The following UBE2W variants were observed in gnomAD, a reference collection of about 807,000 sequenced individuals.
UBE2W encodes ubiquitin-conjugating enzyme E2 W.
A neutral mutation model predicts 27.2 loss-of-function variants in UBE2W; 18 were observed. That is an observed-to-expected ratio of 0.66 (90% CI 0.46 to 0.98). UBE2W has a LOEUF of 0.98. Ranked by LOEUF, UBE2W falls within the 50% of genes least tolerant of loss-of-function variation. The pLI is 0.00. For missense variants in UBE2W, 90 were observed against 180.2 expected (o/e 0.50, Z 2.87); for synonymous variants, 53 against 57.2 (o/e 0.93, Z 0.33).
chr8:73,791,743 C>T lies in UBE2W; in HGVS notation c.*2359G>A, dbSNP rs1412912290. On this transcript the variant is annotated 3_prime_UTR_variant, in exon 6 of 6. Transcript: ENST00000602593. ...TGATTATGAATTTTAAATGTCTGTG[C>T]TCCTATATTTTAGGATATTTCATCT... 1.0e-6 allele frequency: 1 copy of T among 982,526 alleles called. No individual in the cohort carries two copies. Among genetic ancestry groups the T allele is most frequent in the Non-Finnish European group, 1.2e-6 (1 of 828,498 alleles). 60.9% of individuals were successfully genotyped at this position (982,526 alleles called of 1,614,324 possible).
intron 5 of UBE2W, among the ~76,000 whole-genome samples, chr8:73,794,844 C>T (rs1366698742): frequency 7.3e-6 from 1 of 136,606 alleles, no homozygotes; most frequent in Non-Finnish European, 1.5e-5. Context: ...CAGAGGGAGG[C>T]TCTGTCTCAT....
At position 73,856,089 on chromosome 8, in the gene UBE2W, T is replaced by TA. The variant is rs1296205415; in HGVS notation, c.15+22718dup. On this transcript the variant is annotated intron_variant, in intron 1 of 5. Transcript: ENST00000602593. ...ATATATCCATATCCTTAAACAACTATAATGGTTTAAAATGTTCCAAAAAAA... is the reference window on the plus strand; with the variant it reads ...ATATATCCATATCCTTAAACAACTATAAATGGTTTAAAATGTTCCAAAAAAA... Among the ~76,000 whole-genome samples, 14 of 152,298 alleles carry TA rather than the reference T, an allele frequency of 9.2e-5. No individual in the cohort carries two copies. The East Asian group carries it at 2.7e-3, about 29-fold the overall frequency.
intron 1 of UBE2W, among the ~76,000 whole-genome samples, chr8:73,866,120 A>T (rs1173178053): frequency 1.3e-5 from 2 of 151,752 alleles, no homozygotes; most frequent in East Asian, 3.9e-4. Context: ...AAAATACAAA[A>T]ATTAGCCGGG....
chr8:73,792,405 T>C lies in UBE2W; in HGVS notation c.*1697A>G. Reference sequence around the variant, plus strand: ...CATATTTTTGAAGTCTACCCACCCCTGAGTTCAGCAATTATACTTTGAGTG... The same window carrying C: ...CATATTTTTGAAGTCTACCCACCCCCGAGTTCAGCAATTATACTTTGAGTG... On this transcript the variant is annotated 3_prime_UTR_variant, in exon 6 of 6. Transcript: ENST00000602593. 1 of 985,666 alleles carries C rather than the reference T, an allele frequency of 1.0e-6. No individual in the cohort carries two copies. The highest frequency in any genetic ancestry group is 4.7e-5 in the South Asian group (1 of 21,284). 61.1% of individuals were successfully genotyped at this position (985,666 alleles called of 1,614,324 possible).
chr8:73,803,776 T>A (rs563949047), intron 5 of UBE2W, among the ~76,000 whole-genome samples: 2 of 150,938 alleles, frequency 1.3e-5, no homozygotes, highest in East Asian at 3.9e-4. Flanking sequence ...TTTCTTTTTT[T>A]TTTTTTTTGA....
chr8:73,805,783 GT>G, intron 4 of UBE2W, 57 bp from the exon 5 acceptor site: 1 of 1,018,896 alleles, frequency 9.8e-7, no homozygotes, highest in Non-Finnish European at 1.4e-6. Context: ...GAGGGTGACA[GT>G]TTTAATAAAA....
intron 3 of UBE2W, among the ~76,000 whole-genome samples, chr8:73,820,423 T>C (rs1004697449): frequency 4.6e-5 from 7 of 152,192 alleles, no homozygotes; most frequent in African/African-American, 1.4e-4. Flanking sequence ...CTCTATGCCA[T>C]GTGAGGGACT....
At chr8:73,784,233 T>G (rs886100614), downstream of UBE2W, among the ~76,000 whole-genome samples, 1 of 152,150 alleles carries the variant, frequency 6.6e-6, no homozygotes, top group African/African-American at 2.4e-5. Context: ...ATGTGTTGAT[T>G]TTTCCTGCCT....
At chr8:73,870,392 GAA>G (rs573042877) in intron 1 of UBE2W, 353 of 854,406 alleles carry the variant, frequency 4.1e-4, no homozygotes, top group South Asian at 7.2e-4. Flanking sequence ...CTAGAAATCA[GAA>G]AAAAAAAAAA....
Position 73,791,585 on chromosome 8 carries a change from C to T in UBE2W, c.*2517G>A. Reference sequence around the variant, plus strand: ...AAATATTCTTTTTATTATTACAAGCCATTAATTGCTCTCTGTAGAGCAATG... The same window carrying T: ...AAATATTCTTTTTATTATTACAAGCTATTAATTGCTCTCTGTAGAGCAATG... On this transcript the variant is annotated 3_prime_UTR_variant, in exon 6 of 6. Transcript: ENST00000602593. The T allele has an allele frequency of 4.1e-6, 4 of 985,110 alleles. No individual in the cohort carries two copies. The highest frequency in any genetic ancestry group is 4.8e-6 in the Non-Finnish European group (4 of 829,740). 61.0% of individuals were successfully genotyped at this position (985,110 alleles called of 1,614,324 possible).
chr8:73,875,770 C>A (rs74603327), intron 1 of UBE2W, among the ~76,000 whole-genome samples: 2,291 of 152,246 alleles, frequency 0.015, 46 homozygotes, highest in Non-Finnish European at 0.022. Flanking sequence ...ACACACTTGG[C>A]CGCGTGCAGT....
At chr8:73,823,007 G>A (rs1185766764) in intron 3 of UBE2W, among the ~76,000 whole-genome samples, 1 of 152,146 alleles carries the variant, frequency 6.6e-6, no homozygotes, top group Non-Finnish European at 1.5e-5. Context: ...ATGTCTGGAG[G>A]TACTCAAGTA....
At chr8:73,844,560 G>A (rs569489535) in intron 1 of UBE2W, among the ~76,000 whole-genome samples, 8 of 152,148 alleles carry the variant, frequency 5.3e-5, no homozygotes, top group East Asian at 3.9e-4. Flanking sequence ...GCCTCTGCCC[G>A]GCCGCCACCC....
At chr8:73,852,855 TGTATTA>T (rs1811133403) in intron 1 of UBE2W, among the ~76,000 whole-genome samples, 1 of 152,204 alleles carries the variant, frequency 6.6e-6, no homozygotes, top group Non-Finnish European at 1.5e-5. Flanking sequence ...ATGTAAACTA[TGTATTA>T]GTATACTAGG....
intron 4 of UBE2W, among the ~76,000 whole-genome samples, chr8:73,809,699 T>C (rs1563581768): frequency 1.3e-5 from 2 of 152,028 alleles, no homozygotes; most frequent in South Asian, 2.1e-4. Context: ...CCTACCTCAG[T>C]CTCCTGAGTA....
Position 73,794,056 on chromosome 8 carries a change from T to C in UBE2W, c.*46A>G. ...AAGACTGAATGATCAAAGTGCTCAT[T>C]TTCTCAGTAGGACTATCTTCTGCTA... On this transcript the variant is annotated 3_prime_UTR_variant, in exon 6 of 6. Coordinates refer to ENST00000602593, the MANE Select transcript of UBE2W (RefSeq NM_018299.6). 6.2e-7 allele frequency: 1 copy of C among 1,612,128 alleles called. No homozygotes were observed. Among genetic ancestry groups the C allele is most frequent in the Non-Finnish European group, 8.5e-7 (1 of 1,179,220 alleles).
chr8:73,843,341 A>C (rs1015325168), intron 1 of UBE2W, among the ~76,000 whole-genome samples: 3 of 152,238 alleles, frequency 2.0e-5, no homozygotes, highest in African/African-American at 7.2e-5. Context: ...CATCTAAATA[A>C]AAATTTTTTC....
At chr8:73,864,189 T>G (rs1390078458) in intron 1 of UBE2W, among the ~76,000 whole-genome samples, 1 of 151,288 alleles carries the variant, frequency 6.6e-6, no homozygotes, top group Non-Finnish European at 1.5e-5. Context: ...AGGTCAGGAG[T>G]TCAAGACCAG....
At chr8:73,862,521 G>A (rs1811572301) in intron 1 of UBE2W, among the ~76,000 whole-genome samples, 1 of 151,248 alleles carries the variant, frequency 6.6e-6, no homozygotes, top group African/African-American at 2.4e-5. Context: ...GCATGGGCAA[G>A]GACTTCATGT....
Sources: allele counts gnomAD v4.1 joint callset (sites outside exome capture counted in the v4.1 genomes callset), GRCh38; gene constraint gnomAD v4.1.1; transcripts MANE v1.5; gene names NCBI Gene and HGNC (gene_info 2026-07-23, HGNC 2026-07-21).